PSEN2: variants seen among roughly 807,000 people sequenced by gnomAD.
PSEN2 encodes the protein presenilin-2.
PSEN2 carries 32 observed loss-of-function variants against 49.1 expected under a neutral mutation model. That is an observed-to-expected ratio of 0.65 (90% CI 0.49 to 0.88). PSEN2 has a LOEUF of 0.88. Ranked by LOEUF, PSEN2 falls within the 40% of genes least tolerant of loss-of-function variation. The pLI is 0.00. For missense variants in PSEN2, 522 were observed against 586.9 expected (o/e 0.89, Z 1.14); for synonymous variants, 255 against 244.0 (o/e 1.05, Z -0.42).
intron 3 of PSEN2, among the ~76,000 whole-genome samples, chr1:226,876,414 G>A (rs537485568): frequency 6.6e-6 from 1 of 152,324 alleles, no homozygotes; most frequent in South Asian, 2.1e-4. Flanking sequence ...GCCAATGAGA[G>A]GGGATCTGGG....
intron 3 of PSEN2, 53 bp from the exon 4 acceptor site, chr1:226,881,835 C>G: frequency 6.2e-7 from 1 of 1,611,744 alleles, no homozygotes. Context: ...GAGTCCTCCA[C>G]TGCCTTTGTC....
intron 6 of PSEN2, among the ~76,000 whole-genome samples, chr1:226,886,617 C>T (rs1661380646): frequency 6.6e-6 from 1 of 152,214 alleles, no homozygotes; most frequent in Non-Finnish European, 1.5e-5. Context: ...CACACAGGTG[C>T]CTCACAGCAT....
rs75505411 is a variant in PSEN2 at position 226,902,407 on chromosome 1, C to T, written c.1192-6115C>T. Among the ~76,000 whole-genome samples, 63 of 152,080 alleles carry T rather than the reference C, an allele frequency of 4.1e-4. 1 individual carries two copies. In the East Asian group the frequency reaches 0.011, roughly 27 times the overall value. ...TAGAGGAAGTAAGGGCATGGCTTAC[C>T]GTGGGCCCTGGGGTGTTCTGGGAAT... On this transcript the variant is annotated intron_variant, in intron 12 of 14. Transcript: ENST00000676945.
intron 5 of PSEN2, among the ~76,000 whole-genome samples, chr1:226,884,261 G>A (rs1359936980): frequency 6.6e-6 from 1 of 152,224 alleles, no homozygotes; most frequent in African/African-American, 2.4e-5. Context: ...GCTGCAGAAA[G>A]CAAGCTCTTG....
intron 3 of PSEN2, among the ~76,000 whole-genome samples, chr1:226,880,111 C>T (rs1007703451): frequency 6.6e-6 from 1 of 152,210 alleles, no homozygotes; most frequent in African/African-American, 2.4e-5. Flanking sequence ...TAGTGGTTCA[C>T]ACTCTGTAAT....
chr1:226,890,416 C>G, intron 9 of PSEN2: 1 of 412,090 alleles, frequency 2.4e-6, no homozygotes, highest in Non-Finnish European at 4.6e-6. Context: ...CCTGTGATCC[C>G]GCAGCCACCC....
intron 11 of PSEN2, 24 bp from the exon 12 acceptor site, chr1:226,893,983 G>A (rs201032114): frequency 5.1e-5 from 81 of 1,577,210 alleles, no homozygotes; most frequent in East Asian, 2.7e-4. Context: ...TCTTCAGTAC[G>A]GGTTACTGTC....
chr1:226,901,692 T>C (rs1662326993), intron 12 of PSEN2, among the ~76,000 whole-genome samples: 2 of 152,364 alleles, frequency 1.3e-5, no homozygotes, highest in South Asian at 4.1e-4. Flanking sequence ...TGGTCAGATA[T>C]CTTTCTTTTG....
chr1:226,900,292 T>C (rs998284463), downstream of PSEN2, among the ~76,000 whole-genome samples: 1 of 152,144 alleles, frequency 6.6e-6, no homozygotes, highest in Non-Finnish European at 1.5e-5. Flanking sequence ...GCTGCCACCA[T>C]TGGCTCTCTA....
chr1:226,893,820 C>T (rs1661918166), intron 11 of PSEN2, among the ~76,000 whole-genome samples, 187 bp from the exon 12 acceptor site: 1 of 152,154 alleles, frequency 6.6e-6, no homozygotes, highest in Non-Finnish European at 1.5e-5. Context: ...GTGTCCCCTG[C>T]TTTCCCACTG....
downstream of PSEN2, among the ~76,000 whole-genome samples, chr1:226,901,601 T>A (rs1166260405): frequency 6.6e-6 from 1 of 151,982 alleles, no homozygotes; most frequent in East Asian, 1.9e-4. Flanking sequence ...CATGTGTGTG[T>A]GAAGTGGTGT....
chr1:226,874,246 G>A (rs12097722), intron 2 of PSEN2, among the ~76,000 whole-genome samples: 4,782 of 152,254 alleles, frequency 0.031, 218 homozygotes, highest in East Asian at 0.18. Flanking sequence ...TGGCCACTGG[G>A]TACGTGACCC....
intron 10 of PSEN2, 71 bp downstream of exon 10, chr1:226,891,432 C>A: frequency 7.2e-7 from 1 of 1,384,788 alleles, no homozygotes; most frequent in South Asian, 1.3e-5. Context: ...CAGCTCTGCT[C>A]GGCCTGGCTT....
chr1:226,901,597 T>C (rs188459756), downstream of PSEN2, among the ~76,000 whole-genome samples: 759 of 152,288 alleles, frequency 5.0e-3, 3 homozygotes, highest in Admixed American at 7.0e-3. Context: ...TATTCATGTG[T>C]GTGTGAAGTG....
chr1:226,876,306 C>A lies in PSEN2; in HGVS notation c.-21+756C>A, dbSNP rs367875222. Among the ~76,000 whole-genome samples the A allele has an allele frequency of 5.1e-4, 77 of 152,296 alleles. No homozygotes were observed. In the South Asian group the frequency reaches 0.011, roughly 21 times the overall value. ...AATTCAGAGGGTAGCAGAAGTCCAT[C>A]CCAGATGCTCTGTTTTCCTTCAGGA... On this transcript the variant is annotated intron_variant, in intron 3 of 12. Coordinates refer to ENST00000366783, the MANE Select transcript of PSEN2 (RefSeq NM_000447.3).
intron 4 of PSEN2, among the ~76,000 whole-genome samples, chr1:226,882,638 C>G (rs1041057393): frequency 3.9e-5 from 6 of 152,258 alleles, no homozygotes; most frequent in Admixed American, 1.3e-4. Context: ...CTGTTTTGCC[C>G]ATTATAGAAT....
chr1:226,889,072 G>A, intron 8 of PSEN2, 23 bp downstream of exon 8: 2 of 1,595,614 alleles, frequency 1.3e-6, no homozygotes, highest in Non-Finnish European at 1.7e-6. Flanking sequence ...CAAGGCTGGT[G>A]GGGGCAGTGG....
downstream of PSEN2, among the ~76,000 whole-genome samples, chr1:226,901,518 T>C (rs1349844231): frequency 6.6e-6 from 1 of 151,854 alleles, no homozygotes; most frequent in Admixed American, 6.6e-5. Context: ...GCCCAGGAGT[T>C]TAAGACCAAT....
intron 4 of PSEN2, 75 bp downstream of exon 4, chr1:226,882,123 A>T: frequency 1.3e-6 from 2 of 1,571,470 alleles, no homozygotes; most frequent in Non-Finnish European, 1.7e-6. Flanking sequence ...AAAACCAGAC[A>T]TTCATTCCCT....
Sources: allele counts gnomAD v4.1 joint callset (sites outside exome capture counted in the v4.1 genomes callset), GRCh38; gene constraint gnomAD v4.1.1; transcripts MANE v1.5; gene names NCBI Gene and HGNC (gene_info 2026-07-23, HGNC 2026-07-21).